Variants in HEXB observed in about 807,000 individuals in gnomAD.
The protein encoded by HEXB is hexosaminidase subunit beta.
In HEXB, 51 loss-of-function variants were observed where a neutral mutation model predicts 71.2. The ratio of observed to expected loss-of-function variants is 0.72; its 90% CI spans 0.57 to 0.90. The LOEUF is 0.90. Among genes scored for constraint, HEXB ranks in the 40% least tolerant of loss-of-function variants. The probability of loss-of-function intolerance (pLI) is 0.00; values close to 1 mark genes in which losing one functional copy is unlikely to be tolerated. For missense variants in HEXB, 617 were observed against 677.0 expected, an observed-to-expected ratio of 0.91 and a Z score of 0.98; for synonymous variants, 266 against 249.3, an observed-to-expected ratio of 1.07 and a Z score of -0.63.
intron 1 of HEXB, among the ~76,000 whole-genome samples, chr5:74,676,611 C>T (rs1485002899): frequency 1.3e-5 from 2 of 152,052 alleles, no homozygotes; most frequent in African/African-American, 2.4e-5. Context: ...AGTAAAAATA[C>T]AAAAATTAGC....
chr5:74,675,662 A>G (rs915491545), intron 1 of HEXB, among the ~76,000 whole-genome samples: 4 of 152,294 alleles, frequency 2.6e-5, no homozygotes, highest in Non-Finnish European at 4.4e-5. Context: ...TGTGCAGGCC[A>G]TATTAAGGAT....
chr5:74,706,459 C>G (rs1160574976), intron 6 of HEXB, among the ~76,000 whole-genome samples: 2 of 152,206 alleles, frequency 1.3e-5, no homozygotes, highest in South Asian at 4.1e-4. Flanking sequence ...ACAGTGGGTG[C>G]AGCGCATCAT....
chr5:74,717,857 T>C (rs938751000), intron 9 of HEXB, among the ~76,000 whole-genome samples: 1 of 152,158 alleles, frequency 6.6e-6, no homozygotes, highest in Non-Finnish European at 1.5e-5. Context: ...GCACCTGGCA[T>C]TATGTAAATA....
At chr5:74,680,831 T>A (rs746011645), upstream of HEXB, among the ~76,000 whole-genome samples, 4 of 152,198 alleles carry the variant, frequency 2.6e-5, no homozygotes, top group Admixed American at 6.5e-5. Context: ...TTTTACCCTA[T>A]AGAAAGTAAA....
chr5:74,656,031 AT>A (rs757659972), intron 1 of HEXB, among the ~76,000 whole-genome samples: 4 of 152,210 alleles, frequency 2.6e-5, no homozygotes, highest in Admixed American at 2.0e-4. Flanking sequence ...TTCATCAATC[AT>A]TTCATGGACT....
intron 1 of HEXB, among the ~76,000 whole-genome samples, chr5:74,687,704 A>C (rs1043101802): frequency 1.3e-5 from 2 of 152,162 alleles, no homozygotes; most frequent in African/African-American, 4.8e-5. Context: ...TTAAGGAAAA[A>C]ATACACATAA....
chr5:74,678,657 G>A (rs1055513170), intron 1 of HEXB, among the ~76,000 whole-genome samples: 7 of 152,080 alleles, frequency 4.6e-5, no homozygotes, highest in African/African-American at 1.7e-4. Context: ...GAATGATCAT[G>A]AATCCTAATC....
intron 1 of HEXB, among the ~76,000 whole-genome samples, chr5:74,651,811 A>G (rs375513322): frequency 3.9e-5 from 6 of 152,212 alleles, no homozygotes; most frequent in Admixed American, 6.5e-5. Flanking sequence ...GAGGTAATTC[A>G]TTTCTGCTCC....
chr5:74,689,645 G>A (rs1748952154), intron 2 of HEXB, 172 bp downstream of exon 2: 1 of 653,534 alleles, frequency 1.5e-6, no homozygotes, highest in Admixed American at 2.5e-5. Context: ...CATAGTCTTT[G>A]TGGAAAATTT....
chr5:74,715,567 G>C lies in HEXB; in HGVS notation c.959G>C (p.Gly320Ala), dbSNP rs745363916. 2 of 1,612,460 alleles carry C rather than the reference G, an allele frequency of 1.2e-6. No individual in the cohort carries two copies. Among genetic ancestry groups the C allele is most frequent in the South Asian group, 2.2e-5 (2 of 91,060 alleles). Residue 320 changes from glycine (G) to alanine (A), a missense_variant, in exon 8 of 14, where the codon GGA becomes GCA. By Grantham distance (60) the Gly-to-Ala change is moderately conservative. Transcript: ENST00000261416. The stretch of plus-strand genomic sequence containing the variant: ...AGACAAAACAAGTTGGACTCTTTTG[G>C]ACCTATAAACCCTACTCTGAATACA... ...YSRQNKLDSF[G>A]PINPTLNTTY...
At chr5:74,666,603 C>T (rs902790779) in intron 1 of HEXB, among the ~76,000 whole-genome samples, 3 of 152,170 alleles carry the variant, frequency 2.0e-5, no homozygotes, top group Admixed American at 6.5e-5. Context: ...AGTCACAGCC[C>T]TAAGAGGCCC....
intron 1 of HEXB, among the ~76,000 whole-genome samples, chr5:74,673,264 G>T (rs1748571637): frequency 6.6e-6 from 1 of 152,212 alleles, no homozygotes; most frequent in South Asian, 2.1e-4. Context: ...GGACAGGCCA[G>T]TTTAGCTCCC....
chr5:74,710,031 A>G (rs1749500456), intron 6 of HEXB, among the ~76,000 whole-genome samples: 1 of 152,150 alleles, frequency 6.6e-6, no homozygotes, highest in Non-Finnish European at 1.5e-5. Flanking sequence ...TGATGCAAAA[A>G]TCCTCAATAA....
intron 5 of HEXB, among the ~76,000 whole-genome samples, chr5:74,699,918 C>T (rs1027871729): frequency 1.4e-5 from 2 of 142,822 alleles, no homozygotes; most frequent in African/African-American, 2.6e-5. Flanking sequence ...TTTTAATGTG[C>T]ACTTCCTTGC....
At chr5:74,702,482 A>AT (rs1423312882) in intron 5 of HEXB, among the ~76,000 whole-genome samples, 2 of 152,096 alleles carry the variant, frequency 1.3e-5, no homozygotes, top group East Asian at 3.9e-4. Flanking sequence ...TCAGTTATGC[A>AT]TTTTTGGCAG....
At chr5:74,695,607 GA>G (rs1282171838) in intron 3 of HEXB, among the ~76,000 whole-genome samples, 1 of 151,090 alleles carries the variant, frequency 6.6e-6, no homozygotes, top group Non-Finnish European at 1.5e-5. Flanking sequence ...TTGGGAGGCC[GA>G]GGTGGGTGGA....
intron 5 of HEXB, 89 bp from the exon 6 acceptor site, chr5:74,705,130 C>T (rs1580388823): frequency 1.5e-6 from 1 of 687,580 alleles, no homozygotes; most frequent in Non-Finnish European, 2.6e-6. Flanking sequence ...AGGAAGCAGA[C>T]ATATTGGAAG....
chr5:74,687,068 T>C (rs1260623597), intron 1 of HEXB, among the ~76,000 whole-genome samples: 1 of 152,238 alleles, frequency 6.6e-6, no homozygotes, highest in Non-Finnish European at 1.5e-5. Flanking sequence ...TTTCAAGGCA[T>C]GTGCGGGTGA....
chr5:74,691,783 A>G (rs183282833), intron 2 of HEXB, among the ~76,000 whole-genome samples: 116 of 152,340 alleles, frequency 7.6e-4, no homozygotes, highest in African/African-American at 2.6e-3. Flanking sequence ...AACAGAATAT[A>G]TAGATATGTC....
Sources: allele counts gnomAD v4.1 joint callset (sites outside exome capture counted in the v4.1 genomes callset), GRCh38; gene constraint gnomAD v4.1.1; transcripts MANE v1.5; gene names NCBI Gene and HGNC (gene_info 2026-07-23, HGNC 2026-07-21).